Variants in PRDM10 observed in about 807,000 individuals in gnomAD.
The protein encoded by PRDM10 is PR/SET domain 10.
PRDM10 carries 65 observed loss-of-function variants against 133.1 expected under a neutral mutation model. That is an observed-to-expected ratio of 0.49 (90% CI 0.40 to 0.60). The LOEUF (loss-of-function observed/expected upper bound fraction) is 0.60, where lower values mean the gene tolerates loss of function less well. PRDM10 is among the 20% of genes least tolerant of loss of function. The probability of loss-of-function intolerance (pLI) is 0.00; values close to 1 mark genes in which losing one functional copy is unlikely to be tolerated. For missense variants in PRDM10, 1,137 were observed against 1,507.1 expected, an observed-to-expected ratio of 0.75 and a Z score of 4.07; for synonymous variants, 582 against 580.4, an observed-to-expected ratio of 1.00 and a Z score of -0.04.
intron 1 of PRDM10, among the ~76,000 whole-genome samples, chr11:130,000,546 AATTAC>A (rs1310010062): frequency 6.6e-6 from 1 of 152,206 alleles, no homozygotes; most frequent in African/African-American, 2.4e-5. Flanking sequence ...ATATATACTC[AATTAC>A]ATTGACATAC....
At chr11:129,931,758 C>T (rs1036755624) in intron 10 of PRDM10, among the ~76,000 whole-genome samples, 26 of 151,718 alleles carry the variant, frequency 1.7e-4, no homozygotes, top group Admixed American at 4.6e-4. Context: ...TTAGTAGAGA[C>T]GGGGTTTCAC....
Position 129,918,617 on chromosome 11 carries a change from G to A in PRDM10, c.2136C>T (p.Arg712=). The A allele has an allele frequency of 1.9e-6, 3 of 1,614,244 alleles. No homozygotes were observed. Among genetic ancestry groups the A allele is most frequent in the Non-Finnish European group, 2.5e-6 (3 of 1,180,042 alleles). The change falls in exon 14 of 21, where the codon CGC becomes CGT. Residue 712 remains arginine (R), a synonymous_variant. Coordinates refer to ENST00000360871, the MANE Select transcript of PRDM10 (RefSeq NM_199437.2). This position sits in a 1 kb window ranked among gnomAD's most constrained non-coding sequence, Gnocchi z 5.3. ...AGCTGTCGTAGTCTGTGGACGTGAT[G>A]CGGGGCTTGAACGTCTTGGAGCGGC... ...RISRSKTFKP[R]ITSTDYDSFT...
intron 1 of PRDM10, among the ~76,000 whole-genome samples, chr11:129,981,560 C>T (rs563717851): frequency 6.6e-6 from 1 of 152,274 alleles, no homozygotes; most frequent in East Asian, 1.9e-4. Flanking sequence ...GCAGTAATCT[C>T]ATTGCTTTCA....
At position 129,920,068 on chromosome 11, in the gene PRDM10, T is replaced by C. The variant is rs142080826; in HGVS notation, c.2035-1350A>G. ...TGGCAAAGCACTGTTGCATTGCCAC[T>C]TTTTTTCTTTTCCTTTTCCTCCAAC... is the stretch of plus-strand genomic sequence containing the variant. On this transcript the variant is annotated intron_variant, in intron 13 of 20. Coordinates refer to ENST00000360871, the MANE Select transcript of PRDM10 (RefSeq NM_199437.2). Among the ~76,000 whole-genome samples, 483 of 152,286 alleles carry C rather than the reference T, an allele frequency of 3.2e-3. 1 individual carries two copies. Among genetic ancestry groups the C allele is most frequent in the African/African-American group, 0.011 (457 of 41,532 alleles).
chr11:130,001,573 G>C (rs1213098078), intron 1 of PRDM10, among the ~76,000 whole-genome samples: 1 of 152,184 alleles, frequency 6.6e-6, no homozygotes, highest in African/African-American at 2.4e-5. Flanking sequence ...TTGTGCTTAA[G>C]TGTACACGCA....
At position 129,931,015 on chromosome 11, in the gene PRDM10, C is replaced by T. The variant is rs1168048607; in HGVS notation, c.1530+1G>A. ...AGGAGCCGCCGGCTTTCCCCACTTA[C>T]TCGGATGCGCTTGGCTCTGCGCATG... is the stretch of plus-strand genomic sequence containing the variant. On this transcript the variant is annotated splice_donor_variant, in intron 11 of 20. Transcript: ENST00000360871. LOFTEE classifies it high-confidence loss of function. 1.9e-6 allele frequency: 3 copies of T among 1,600,228 alleles called. No homozygotes were observed. Among genetic ancestry groups the T allele is most frequent in the Non-Finnish European group, 2.6e-6 (3 of 1,172,376 alleles).
Position 129,917,104 on chromosome 11 carries a change from CAATATG to C in PRDM10, c.2325+17_2325+22del. 6.5e-7 allele frequency: 1 copy of C among 1,550,312 alleles called. No individual in the cohort carries two copies. Among genetic ancestry groups the C allele is most frequent in the Non-Finnish European group, 8.9e-7 (1 of 1,124,894 alleles). ...TAAGCAGGGAACCCCAGTGGCATAC[CAATATG>C]AATATTTCCCTTTTACCTTATCGCA... On this transcript the variant is annotated intron_variant, in intron 15 of 20. Transcript: ENST00000360871.
chr11:129,942,657 A>G (rs1422908957), intron 6 of PRDM10, 28 bp from the exon 7 acceptor site: 1 of 1,557,252 alleles, frequency 6.4e-7, no homozygotes, highest in East Asian at 2.2e-5. Context: ...CACACCAAAA[A>G]CAAAACAAAA....
chr11:129,914,775 G>A lies in PRDM10; in HGVS notation c.2770C>T (p.Pro924Ser). Residue 924 changes from proline to serine, a missense_variant, in exon 17 of 21, where the codon CCT becomes TCT. Physicochemically the swap from Pro to Ser is moderately conservative, Grantham distance 74. Transcript: ENST00000360871. ...QGDYQRIQYIPVSQSASGLQQ... is the reference protein window; with the variant it reads ...QGDYQRIQYISVSQSASGLQQ... ...AGGCCAGACGCCGACTGCGACACAG[G>A]GATGTACTGAATTCTCTGGTAATCC... The A allele has an allele frequency of 6.2e-7, 1 of 1,614,212 alleles. No individual in the cohort carries two copies. Among genetic ancestry groups the A allele is most frequent in the Non-Finnish European group, 8.5e-7 (1 of 1,180,048 alleles).
At position 129,960,900 on chromosome 11, in the gene PRDM10, G is replaced by A; in HGVS notation, c.65C>T (p.Ala22Val). ...PTSAEHEQNA[A>V]QVHFVPDTGT... ...CTGGAAAAGACCAGTCTTCACCTGT[G>A]CGGCATTCTGTTCATGCTCTGCAGA... Residue 22 changes from alanine (A) to valine (V), a missense_variant, in exon 2 of 21, where the codon GCA becomes GTA. By Grantham distance (64) the Ala-to-Val change is moderately conservative. This residue lies in a region of PRDM10 where 635 missense variants were observed against 835.2 expected (regional missense o/e 0.76). Coordinates refer to ENST00000360871, the MANE Select transcript of PRDM10 (RefSeq NM_199437.2). 6.2e-7 allele frequency: 1 copy of A among 1,614,050 alleles called. No individual in the cohort carries two copies. Among genetic ancestry groups the A allele is most frequent in the Non-Finnish European group, 8.5e-7 (1 of 1,180,002 alleles).
At chr11:129,964,604 C>A (rs1370749411) in intron 1 of PRDM10, among the ~76,000 whole-genome samples, 1 of 152,182 alleles carries the variant, frequency 6.6e-6, no homozygotes, top group Non-Finnish European at 1.5e-5. Context: ...AATATCATAC[C>A]TTTCATATTG....
intron 7 of PRDM10, 102 bp downstream of exon 7, chr11:129,942,324 C>G (rs1951236474): frequency 4.8e-6 from 6 of 1,252,152 alleles, no homozygotes; most frequent in African/African-American, 4.5e-5. Flanking sequence ...CCCCCTCCCC[C>G]TTTTTTGTTA....
chr11:129,908,051 G>A (rs1052812006), intron 19 of PRDM10, among the ~76,000 whole-genome samples: 6 of 151,656 alleles, frequency 4.0e-5, no homozygotes, highest in African/African-American at 1.2e-4. Flanking sequence ...AGTGAGCTAT[G>A]ATCACACCAC....
chr11:129,998,885 T>C (rs1312073229), intron 1 of PRDM10, among the ~76,000 whole-genome samples: 1 of 149,822 alleles, frequency 6.7e-6, no homozygotes, highest in Non-Finnish European at 1.5e-5. Flanking sequence ...TGCAGTGGCG[T>C]GATCTCGGCT....
intron 1 of PRDM10, among the ~76,000 whole-genome samples, chr11:129,971,781 C>T (rs1386634516): frequency 1.3e-5 from 2 of 152,240 alleles, no homozygotes; most frequent in African/African-American, 2.4e-5. Context: ...CCAGTGGATC[C>T]CGCACCGGGG....
intron 8 of PRDM10, among the ~76,000 whole-genome samples, chr11:129,936,118 C>T (rs1951020996): frequency 6.6e-6 from 1 of 152,084 alleles, no homozygotes. Context: ...GTAATGATGT[C>T]TCAATAAAAA....
chr11:129,980,588 G>C (rs917572167), intron 1 of PRDM10, among the ~76,000 whole-genome samples: 13 of 152,196 alleles, frequency 8.5e-5, no homozygotes, highest in African/African-American at 3.1e-4. Context: ...CGTGGCATTA[G>C]TGGACAAATG....
In PRDM10 at chr11:129,902,127, G is replaced by A; in HGVS notation, c.*186C>T. 3 of 769,966 alleles carry A rather than the reference G, an allele frequency of 3.9e-6. No homozygotes were observed. The highest frequency in any genetic ancestry group is 2.0e-6 in the Non-Finnish European group (1 of 508,166). 47.7% of individuals were successfully genotyped at this position (769,966 alleles called of 1,614,324 possible). ...GTTCTGTGGCAAAAACCGAGGGTTTGAAGAGTCAATTTGATAAAGATGACC... is the reference window on the plus strand; with the variant it reads ...GTTCTGTGGCAAAAACCGAGGGTTTAAAGAGTCAATTTGATAAAGATGACC... On this transcript the variant is annotated 3_prime_UTR_variant, in exon 21 of 21. Transcript: ENST00000360871.
At chr11:129,911,957 T>C in intron 18 of PRDM10, 128 bp downstream of exon 18, 10 of 1,253,662 alleles carry the variant, frequency 8.0e-6, no homozygotes, top group Non-Finnish European at 9.5e-6. Flanking sequence ...GGTAAGATCC[T>C]TTAATAAAAA....
Sources: gnomAD v4.1 joint callset for allele counts (sites outside exome capture counted in the v4.1 genomes callset) on GRCh38, gnomAD v4.1.1 for gene constraint, gnomAD v4.1.1 regional missense constraint, Gnocchi (gnomAD v3.1) non-coding constraint, MANE v1.5 for transcripts, NCBI Gene and HGNC (gene_info 2026-07-23, HGNC 2026-07-21) for gene names.